Variants in RGS17 observed in about 807,000 individuals in gnomAD.
The protein encoded by RGS17 is regulator of G-protein signaling 17.
A neutral mutation model predicts 25.5 loss-of-function variants in RGS17; 12 were observed. The ratio of observed to expected loss-of-function variants is 0.47; its 90% CI spans 0.30 to 0.76. The LOEUF is 0.76. Among genes scored for constraint, RGS17 ranks in the 30% least tolerant of loss-of-function variants. The pLI is 0.07. For synonymous variants in RGS17, 71 were observed against 76.9 expected (o/e 0.92, Z 0.40); for missense variants, 196 against 242.2 (o/e 0.81, Z 1.27).
At chr6:153,067,831 C>A (rs187672447) in intron 1 of RGS17, among the ~76,000 whole-genome samples, 2 of 152,066 alleles carry the variant, frequency 1.3e-5, no homozygotes, top group Admixed American at 1.3e-4. Context: ...TATGGAACCA[C>A]AAAAGACCCA....
chr6:153,012,638 T>C (rs1454060332), intron 4 of RGS17, among the ~76,000 whole-genome samples: 1 of 152,182 alleles, frequency 6.6e-6, no homozygotes, highest in African/African-American at 2.4e-5. Context: ...TGAAACACCA[T>C]GTTAGAACAA....
chr6:153,036,614 C>A (rs1276795131), intron 2 of RGS17, among the ~76,000 whole-genome samples: 1 of 152,192 alleles, frequency 6.6e-6, no homozygotes, highest in Admixed American at 6.5e-5. Flanking sequence ...ATACCTCAAT[C>A]AGAGCAAGTT....
Position 153,024,385 on chromosome 6 carries a change from A to G in RGS17, c.321T>C (p.Ser107=). 1 of 1,613,946 alleles carries G rather than the reference A, an allele frequency of 6.2e-7. No individual in the cohort carries two copies. The highest frequency in any genetic ancestry group is 2.2e-5 in the East Asian group (1 of 44,880). Residue 107 remains serine, a synonymous_variant, in exon 4 of 5, where the codon AGT becomes AGC. Transcript: ENST00000206262. ...LFREFLRTEY[S]EENLLFWLAC... Reference sequence around the variant, plus strand: ...CAAGCCAGAAAAGTAGGTTCTCTTCACTGTATTCTGTTCGGAGGAACTCTC... The same window carrying G: ...CAAGCCAGAAAAGTAGGTTCTCTTCGCTGTATTCTGTTCGGAGGAACTCTC...
chr6:153,098,622 C>T (rs1777252434), intron 1 of RGS17, among the ~76,000 whole-genome samples: 1 of 151,980 alleles, frequency 6.6e-6, no homozygotes, highest in Non-Finnish European at 1.5e-5. Flanking sequence ...AATTATAAAC[C>T]TAAGGGACAG....
intron 1 of RGS17, among the ~76,000 whole-genome samples, chr6:153,123,259 C>A (rs12200648): frequency 0.11 from 16,885 of 151,730 alleles, 1,032 homozygotes; most frequent in East Asian, 0.18. Flanking sequence ...TGCTGAGTGG[C>A]AATAAATTGA....
chr6:153,023,978 C>T (rs1335561243), intron 4 of RGS17, among the ~76,000 whole-genome samples: 3 of 152,198 alleles, frequency 2.0e-5, no homozygotes, highest in African/African-American at 4.8e-5. Flanking sequence ...TTTCCATTTT[C>T]GTTTGTCACA....
At chr6:153,032,472 G>C (rs948371799) in intron 2 of RGS17, among the ~76,000 whole-genome samples, 1 of 151,258 alleles carries the variant, frequency 6.6e-6, no homozygotes, top group Admixed American at 6.6e-5. Flanking sequence ...TCAAATATCT[G>C]TCCACTAGAT....
At chr6:153,110,850 C>G (rs1356680991) in intron 1 of RGS17, among the ~76,000 whole-genome samples, 2 of 152,178 alleles carry the variant, frequency 1.3e-5, no homozygotes, top group Non-Finnish European at 2.9e-5. Context: ...GAACTCCCTC[C>G]CCTAGCCAAG....
intron 1 of RGS17, among the ~76,000 whole-genome samples, chr6:153,085,399 G>T (rs989813671): frequency 6.6e-6 from 1 of 152,206 alleles, no homozygotes; most frequent in African/African-American, 2.4e-5. Flanking sequence ...GAAATGAGCA[G>T]CTGGGTCAAA....
intron 4 of RGS17, among the ~76,000 whole-genome samples, chr6:153,019,476 T>C (rs993332016): frequency 3.3e-5 from 5 of 152,314 alleles, no homozygotes; most frequent in Middle Eastern, 3.4e-3. Flanking sequence ...TAATCACAGG[T>C]TGAAATGTAA....
At position 153,074,441 on chromosome 6, in the gene RGS17, C is replaced by A. The variant is rs149309346; in HGVS notation, c.-25-30398G>T. ...TTGGGTCTGCATTCTTAACTTTAAC[C>A]AGTCACATAAAAAGTTACTAAGAAC... On this transcript the variant is annotated intron_variant, in intron 1 of 4. Transcript: ENST00000206262. Among the ~76,000 whole-genome samples, 79 of 152,244 alleles carry A rather than the reference C, an allele frequency of 5.2e-4. 1 individual carries two copies. Among genetic ancestry groups the A allele is most frequent in the African/African-American group, 1.8e-3 (74 of 41,542 alleles).
intron 2 of RGS17, among the ~76,000 whole-genome samples, chr6:153,027,125 C>A (rs1427406219): frequency 5.3e-5 from 8 of 152,082 alleles, no homozygotes; most frequent in African/African-American, 1.9e-4. Flanking sequence ...AAATCAATGT[C>A]CAAGGTCTTG....
intron 1 of RGS17, among the ~76,000 whole-genome samples, chr6:153,051,729 T>C (rs984827591): frequency 1.3e-5 from 2 of 152,154 alleles, no homozygotes; most frequent in Non-Finnish European, 1.5e-5. Context: ...GAGGGACTTA[T>C]CAAACAACAA....
At chr6:153,099,912 T>G (rs1280212888) in intron 1 of RGS17, among the ~76,000 whole-genome samples, 1 of 152,206 alleles carries the variant, frequency 6.6e-6, no homozygotes, top group Non-Finnish European at 1.5e-5. Context: ...CAGTTTCTGT[T>G]TCAATCTATA....
chr6:153,011,885 TGGGTTCATC>T, intron 4 of RGS17, 123 bp from the exon 5 acceptor site: 1 of 672,266 alleles, frequency 1.5e-6, no homozygotes, highest in Non-Finnish European at 2.4e-6. Context: ...CCAAAAGTCT[TGGGTTCATC>T]TTTTGAGACT....
rs1345211575 is a variant in RGS17 at position 153,130,918 on chromosome 6, G to T, written c.-26+206C>A. On this transcript the variant is annotated intron_variant, in intron 1 of 4. Transcript: ENST00000206262. The surrounding 1 kb of genome is among the most constrained non-coding windows in gnomAD (Gnocchi z 6.4). Reference sequence around the variant, plus strand: ...ATTCAACTTCCCGGACCCGCGGCGCGGCCCCCGCTCCCGCTCAGGGCGCCG... The same window carrying T: ...ATTCAACTTCCCGGACCCGCGGCGCTGCCCCCGCTCCCGCTCAGGGCGCCG... 6.6e-6 allele frequency among the ~76,000 whole-genome samples: 1 copy of T among 151,874 alleles called. No homozygotes were observed. Among genetic ancestry groups the T allele is most frequent in the East Asian group, 2.0e-4 (1 of 5,084 alleles).
At chr6:153,048,897 C>T (rs931965405) in intron 1 of RGS17, among the ~76,000 whole-genome samples, 5 of 152,134 alleles carry the variant, frequency 3.3e-5, no homozygotes, top group African/African-American at 1.2e-4. Flanking sequence ...CAATAAATTT[C>T]ATGAAGGTAG....
intron 1 of RGS17, among the ~76,000 whole-genome samples, chr6:153,086,891 A>G (rs1449735473): frequency 6.6e-6 from 1 of 152,158 alleles, no homozygotes; most frequent in African/African-American, 2.4e-5. Flanking sequence ...TGGTAGTATA[A>G]TTTACACTTT....
rs1159943067 is a variant in RGS17, at chr6:153,100,214, A to G, written c.-26+30910T>C. 2.6e-5 allele frequency among the ~76,000 whole-genome samples: 4 copies of G among 152,192 alleles called. No homozygotes were observed. In the East Asian group the frequency reaches 7.7e-4, roughly 29 times the overall value. On this transcript the variant is annotated intron_variant, in intron 1 of 4. Transcript: ENST00000206262. ...ATTTATGTAGTTAAAGACCAAATTA[A>G]TTTTATTTATGTGCACATACTGCCA...
Sources: gnomAD v4.1 joint callset for allele counts (sites outside exome capture counted in the v4.1 genomes callset) on GRCh38, gnomAD v4.1.1 for gene constraint, Gnocchi (gnomAD v3.1) non-coding constraint, MANE v1.5 for transcripts, NCBI Gene and HGNC (gene_info 2026-07-23, HGNC 2026-07-21) for gene names.